The following YIPF4 variants were observed in gnomAD, a reference collection of about 807,000 sequenced individuals.
The protein encoded by YIPF4 is Yip1 domain family member 4.
In YIPF4, 18 loss-of-function variants were observed where a neutral mutation model predicts 29.4. The observed-to-expected ratio is 0.61, with a 90% CI of 0.42 to 0.91. The LOEUF is 0.91. Among genes scored for constraint, YIPF4 ranks in the 40% least tolerant of loss-of-function variants. The pLI is 0.00. For synonymous variants in YIPF4, 115 were observed against 104.7 expected, an observed-to-expected ratio of 1.10 and a Z score of -0.60; for missense variants, 279 against 282.7, an observed-to-expected ratio of 0.99 and a Z score of 0.09.
chr2:32,284,539 G>A (rs1254345853), intron 1 of YIPF4, among the ~76,000 whole-genome samples: 1 of 152,076 alleles, frequency 6.6e-6, no homozygotes, highest in African/African-American at 2.4e-5. Context: ...CCCTCCTCTG[G>A]CCATGTAAAA....
chr2:32,305,434 A>C (rs1265246541), intron 5 of YIPF4, 55 bp from the exon 6 acceptor site: 1 of 1,413,036 alleles, frequency 7.1e-7, no homozygotes, highest in African/African-American at 1.5e-5. Flanking sequence ...TGATATCCAA[A>C]AAGTTAATTG....
chr2:32,307,219 A>T lies in YIPF4; in HGVS notation c.*1593A>T. 1 of 1,061,654 alleles carries T rather than the reference A, an allele frequency of 9.4e-7. No homozygotes were observed. Among genetic ancestry groups the T allele is most frequent in the East Asian group, 6.4e-5 (1 of 15,574 alleles). The allele number at this position is 1,061,654 out of a possible 1,614,324, so 65.8% of individuals were successfully genotyped here. On this transcript the variant is annotated 3_prime_UTR_variant, in exon 6 of 6. Coordinates refer to ENST00000238831, the MANE Select transcript of YIPF4 (RefSeq NM_032312.4). ...AGATAAACATTTGTTACACTTAAGAAATTGCTGAGGTTAATACTTTGTTAT... is the reference window on the plus strand; with the variant it reads ...AGATAAACATTTGTTACACTTAAGATATTGCTGAGGTTAATACTTTGTTAT...
chr2:32,279,168 A>G lies in YIPF4; in HGVS notation c.79+934A>G, dbSNP rs547423869. On this transcript the variant is annotated intron_variant, in intron 1 of 5. Coordinates refer to ENST00000238831, the MANE Select transcript of YIPF4 (RefSeq NM_032312.4). ...GTATTTTTAGTAGAGATGAGGTTTC[A>G]CCGTGTTAGCCATGATGGTCTCTCG... Among the ~76,000 whole-genome samples, 220 of 151,356 alleles carry G rather than the reference A, an allele frequency of 1.5e-3. 1 individual carries two copies. Among genetic ancestry groups the G allele is most frequent in the Non-Finnish European group, 2.8e-3 (192 of 67,858 alleles).
At chr2:32,295,225 AAC>A (rs2031131998) in intron 3 of YIPF4, among the ~76,000 whole-genome samples, 1 of 152,164 alleles carries the variant, frequency 6.6e-6, no homozygotes, top group African/African-American at 2.4e-5. Context: ...TTATCACCAA[AAC>A]ACAACATATA....
chr2:32,278,075 G>A lies in YIPF4; in HGVS notation c.-81G>A. 1 of 1,265,988 alleles carries A rather than the reference G, an allele frequency of 7.9e-7. No homozygotes were observed. The highest frequency in any genetic ancestry group is 1.1e-6 in the Non-Finnish European group (1 of 922,894). The allele number at this position is 1,265,988 out of a possible 1,614,324, so 78.4% of individuals were successfully genotyped here. A position where few individuals can be genotyped will look rare whatever the true frequency, so the allele number is the denominator to read the frequency against. On this transcript the variant is annotated 5_prime_UTR_variant, in exon 1 of 6. Coordinates refer to ENST00000238831, the MANE Select transcript of YIPF4 (RefSeq NM_032312.4). ...GTAGGCCGCACCGTAGGGCGAGCGT[G>A]CGGGTCGCCGCCGCGGCCGCCTCGG...
intron 3 of YIPF4, among the ~76,000 whole-genome samples, chr2:32,294,506 G>A (rs1281832372): frequency 2.0e-5 from 3 of 151,964 alleles, no homozygotes; most frequent in Non-Finnish European, 2.9e-5. Context: ...TCCTAGATGG[G>A]ATGGCGGCCG....
chr2:32,289,080 A>T (rs1009510833), intron 1 of YIPF4, among the ~76,000 whole-genome samples: 1 of 152,244 alleles, frequency 6.6e-6, no homozygotes, highest in Non-Finnish European at 1.5e-5. Context: ...GAGTATTTTC[A>T]CTATGCAATT....
intron 3 of YIPF4, 48 bp from the exon 4 acceptor site, chr2:32,298,186 C>G: frequency 7.2e-7 from 1 of 1,396,544 alleles, no homozygotes; most frequent in Admixed American, 1.8e-5. Context: ...GGAAAATTAT[C>G]ATCTTATTTG....
intron 1 of YIPF4, 40 bp downstream of exon 1, chr2:32,278,274 G>A: frequency 6.6e-7 from 1 of 1,523,772 alleles, no homozygotes; most frequent in South Asian, 1.2e-5. Context: ...CCCGGAGGAA[G>A]CCAGGGCCCG....
rs183205920 is a variant in YIPF4 at position 32,281,475 on chromosome 2, C to G, written c.79+3241C>G. Among the ~76,000 whole-genome samples, 683 of 152,210 alleles carry G rather than the reference C, an allele frequency of 4.5e-3. 6 individuals are homozygous for G. Among genetic ancestry groups the G allele is most frequent in the African/African-American group, 0.016 (658 of 41,546 alleles). ...CAGGCTGGTCTTGAACTCCTGGGCT[C>G]AAGTGATCCACCCACCTTGGCCTCC... On this transcript the variant is annotated intron_variant, in intron 1 of 5. Transcript: ENST00000238831.
At chr2:32,280,545 A>T (rs1454614490) in intron 1 of YIPF4, among the ~76,000 whole-genome samples, 2 of 145,898 alleles carry the variant, frequency 1.4e-5, no homozygotes, top group East Asian at 4.0e-4. Flanking sequence ...CGCGCGGCTA[A>T]TTTTTTTTTT....
rs770202867 is a variant in YIPF4 at position 32,290,508 on chromosome 2, A to G, written c.105A>G (p.Pro35=). The G allele has an allele frequency of 6.4e-7, 1 of 1,572,662 alleles. No homozygotes were observed. Among genetic ancestry groups the G allele is most frequent in the Non-Finnish European group, 8.6e-7 (1 of 1,160,482 alleles). Reference sequence around the variant, plus strand: ...ATCTCAGTGGTTCAATAGCATCCCCAGATGTCAAATTAAATCTTGGTGGAG... The same window carrying G: ...ATCTCAGTGGTTCAATAGCATCCCCGGATGTCAAATTAAATCTTGGTGGAG... ...AEDLSGSIAS[P]DVKLNLGGDF... Residue 35 remains proline, a synonymous_variant, in exon 2 of 6, where the codon CCA becomes CCG. Transcript: ENST00000238831.
chr2:32,278,130 C>T lies in YIPF4; in HGVS notation c.-26C>T, dbSNP rs978967509. On this transcript the variant is annotated 5_prime_UTR_variant, in exon 1 of 6. Transcript: ENST00000238831. ...TGGGCCCAGCCGCAGCCTCTTCTAC[C>T]GCGGCCGGTTGGGAGTCGCCGCGAG... 2 of 1,542,434 alleles carry T rather than the reference C, an allele frequency of 1.3e-6. No individual in the cohort carries two copies. The highest frequency in any genetic ancestry group is 1.4e-5 in the African/African-American group (1 of 71,788).
intron 4 of YIPF4, among the ~76,000 whole-genome samples, chr2:32,300,981 G>A (rs1015242932): frequency 4.6e-5 from 7 of 152,066 alleles, no homozygotes; most frequent in Non-Finnish European, 8.8e-5. Flanking sequence ...CCTTCTGGTC[G>A]GCATTGGTAA....
In YIPF4 at chr2:32,315,173, A is replaced by G. The variant is rs2031797241; in HGVS notation, c.*9547A>G. On this transcript the variant is annotated 3_prime_UTR_variant, in exon 6 of 6. Transcript: ENST00000238831. ...TATTTCACCTCTAAGTATTACATCTACATTTCAAGCAGGAAGAAGATGAAG... is the reference window on the plus strand; with the variant it reads ...TATTTCACCTCTAAGTATTACATCTGCATTTCAAGCAGGAAGAAGATGAAG... The G allele has an allele frequency of 1.3e-5, 2 of 152,180 alleles. No individual in the cohort carries two copies. The highest frequency in any genetic ancestry group is 6.6e-5 in the Admixed American group (1 of 15,262). The allele number at this position is 152,180 out of a possible 1,614,324, so 9.4% of individuals were successfully genotyped here.
chr2:32,303,962 A>G (rs1288697227), intron 5 of YIPF4, among the ~76,000 whole-genome samples: 1 of 152,158 alleles, frequency 6.6e-6, no homozygotes, highest in Non-Finnish European at 1.5e-5. Flanking sequence ...GGTTAAAACT[A>G]TTGTTCTGTG....
intron 1 of YIPF4, among the ~76,000 whole-genome samples, 185 bp from the exon 2 acceptor site, chr2:32,290,294 TTTTA>T (rs1253222520): frequency 4.6e-5 from 7 of 152,226 alleles, no homozygotes; most frequent in African/African-American, 1.7e-4. Flanking sequence ...TCATCTTTCA[TTTTA>T]TTCTTATAAA....
chr2:32,294,935 C>A (rs139421630), intron 3 of YIPF4, among the ~76,000 whole-genome samples: 1 of 152,072 alleles, frequency 6.6e-6, no homozygotes, highest in Non-Finnish European at 1.5e-5. Context: ...GGCGTGGCGG[C>A]GTGCGCCTGC....
chr2:32,296,797 T>C (rs1246422149), intron 3 of YIPF4, among the ~76,000 whole-genome samples: 3 of 152,242 alleles, frequency 2.0e-5, no homozygotes, highest in Admixed American at 6.5e-5. Flanking sequence ...TATGCAAATA[T>C]CCTGTTTCTC....
Sources: gnomAD v4.1 joint callset for allele counts (sites outside exome capture counted in the v4.1 genomes callset) on GRCh38, gnomAD v4.1.1 for gene constraint, MANE v1.5 for transcripts, NCBI Gene and HGNC (gene_info 2026-07-23, HGNC 2026-07-21) for gene names.